Variants in DMXL1 observed in about 807,000 individuals in gnomAD.
DMXL1 encodes the protein dmX-like protein 1.
In DMXL1, 99 loss-of-function variants were observed where a neutral mutation model predicts 319.2. The observed-to-expected ratio is 0.31, with a 90% CI of 0.26 to 0.37. The LOEUF is 0.37. Among genes scored for constraint, DMXL1 ranks in the 10% least tolerant of loss-of-function variants. DMXL1 has a pLI of 1.00. For missense variants in DMXL1, 3,745 were observed against 3,595.6 expected (o/e 1.04, Z -1.06); for synonymous variants, 1,385 against 1,235.2 (o/e 1.12, Z -2.54).
chr5:119,101,058 G>A (rs112086305), intron 2 of DMXL1, among the ~76,000 whole-genome samples: 4,169 of 152,072 alleles, frequency 0.027, 180 homozygotes, highest in African/African-American at 0.095. Context: ...TGGGATTACA[G>A]GCGTGAGCCA....
chr5:119,203,030 T>C (rs979924639), intron 32 of DMXL1, among the ~76,000 whole-genome samples: 1 of 151,542 alleles, frequency 6.6e-6, no homozygotes, highest in African/African-American at 2.4e-5. Context: ...TGAAAACATA[T>C]GAAATTCAAA....
rs148931066 is a variant in DMXL1 at position 119,146,865 on chromosome 5, G to A, written c.2598G>A (p.Lys866=). 1.9e-6 allele frequency: 3 copies of A among 1,611,626 alleles called. No homozygotes were observed. Among genetic ancestry groups the A allele is most frequent in the Middle Eastern group, 1.7e-4 (1 of 6,034 alleles). Reference sequence around the variant, plus strand: ...GCTCACCTAATGGATTTTCTGAGAAGTTCTACCTAATTGTAATAGAATGCA... The same window carrying A: ...GCTCACCTAATGGATTTTCTGAGAAATTCTACCTAATTGTAATAGAATGCA... ...AGSSPNGFSE[K]FYLIVIECTQ... The change falls in exon 16 of 44, where the codon AAG becomes AAA. Residue 866 remains lysine, a synonymous_variant. Transcript: ENST00000539542.
intron 32 of DMXL1, among the ~76,000 whole-genome samples, chr5:119,201,702 G>C (rs1780743355): frequency 6.6e-6 from 1 of 152,050 alleles, no homozygotes; most frequent in African/African-American, 2.4e-5. Flanking sequence ...CTGGTTCTAT[G>C]CCTTTTTTGG....
chr5:119,105,870 C>A (rs1317151710), intron 4 of DMXL1, among the ~76,000 whole-genome samples: 3 of 147,690 alleles, frequency 2.0e-5, no homozygotes, highest in Admixed American at 1.4e-4. Flanking sequence ...GCACTTCAGC[C>A]TGGGCAACAA....
chr5:119,130,862 C>A (rs1440975313), intron 10 of DMXL1, among the ~76,000 whole-genome samples: 1 of 151,992 alleles, frequency 6.6e-6, no homozygotes, highest in Non-Finnish European at 1.5e-5. Context: ...TGGGGAATTT[C>A]CAGGGAGTGT....
intron 38 of DMXL1, among the ~76,000 whole-genome samples, chr5:119,229,740 T>C (rs1274486427): frequency 1.3e-5 from 2 of 152,190 alleles, no homozygotes; most frequent in East Asian, 3.8e-4. Context: ...TTCTTAACTG[T>C]TAGTAATGTT....
intron 1 of DMXL1, among the ~76,000 whole-genome samples, chr5:119,083,457 A>G (rs1580589733): frequency 1.3e-5 from 2 of 152,134 alleles, no homozygotes; most frequent in East Asian, 3.9e-4. Flanking sequence ...ATGGGCACAT[A>G]GATGTCTTTT....
intron 13 of DMXL1, among the ~76,000 whole-genome samples, chr5:119,139,632 C>T (rs943131674): frequency 4.6e-5 from 7 of 152,300 alleles, no homozygotes; most frequent in South Asian, 4.1e-4. Context: ...AAAACAACTT[C>T]TTAGAAACCT....
intron 18 of DMXL1, among the ~76,000 whole-genome samples, chr5:119,151,169 A>T (rs546574281): frequency 6.6e-6 from 1 of 152,232 alleles, no homozygotes; most frequent in Non-Finnish European, 1.5e-5. Flanking sequence ...ATTAGCATTA[A>T]TGTATGCTCC....
At chr5:119,130,427 C>G (rs1018267104) in intron 10 of DMXL1, among the ~76,000 whole-genome samples, 7 of 152,044 alleles carry the variant, frequency 4.6e-5, no homozygotes, top group Non-Finnish European at 1.0e-4. Context: ...ACTGCAGCCT[C>G]CACCTCCCGG....
At chr5:119,111,538 G>A (rs1318967108) in intron 5 of DMXL1, among the ~76,000 whole-genome samples, 1 of 151,946 alleles carries the variant, frequency 6.6e-6, no homozygotes, top group Non-Finnish European at 1.5e-5. Flanking sequence ...ATTGCTGTTC[G>A]ACAAGAAATG....
At chr5:119,210,757 G>GTTTTTTTTTTTTTTTTTTTTTCTTTCTT in intron 34 of DMXL1, among the ~76,000 whole-genome samples, 1 of 89,780 alleles carries the variant, frequency 1.1e-5, no homozygotes, top group Non-Finnish European at 2.1e-5. Context: ...TTTTTCTTTC[G>GTTTTTTTTTTTTTTTTTTTTTCTTTCTT]TTTTTTTTTT....
intron 5 of DMXL1, among the ~76,000 whole-genome samples, chr5:119,111,814 C>A (rs1759666689): frequency 6.6e-6 from 1 of 151,028 alleles, no homozygotes; most frequent in African/African-American, 2.4e-5. Flanking sequence ...CAAGATATAG[C>A]ACATATTAAA....
intron 9 of DMXL1, among the ~76,000 whole-genome samples, chr5:119,121,933 C>CGGACG (rs1762169707): frequency 6.8e-6 from 1 of 147,226 alleles, no homozygotes; most frequent in Admixed American, 6.7e-5. Context: ...ACCTCCCTCC[C>CGGACG]GGACGGGGCG....
At chr5:119,122,967 G>C (rs1580838026) in intron 9 of DMXL1, among the ~76,000 whole-genome samples, 1 of 152,204 alleles carries the variant, frequency 6.6e-6, no homozygotes, top group Non-Finnish European at 1.5e-5. Flanking sequence ...GGGAGGTGGA[G>C]GTTGTAGCGA....
intron 5 of DMXL1, among the ~76,000 whole-genome samples, chr5:119,113,519 G>A (rs1760140856): frequency 6.6e-6 from 1 of 152,222 alleles, no homozygotes; most frequent in Non-Finnish European, 1.5e-5. Flanking sequence ...GGGATTACAG[G>A]CGTGAGCCAC....
intron 1 of DMXL1, among the ~76,000 whole-genome samples, chr5:119,072,551 A>T (rs1749857916): frequency 6.6e-6 from 1 of 152,232 alleles, no homozygotes; most frequent in African/African-American, 2.4e-5. Flanking sequence ...AAAAAATAAA[A>T]GTAAAACTTA....
chr5:119,080,401 G>T (rs1258997856), intron 1 of DMXL1, among the ~76,000 whole-genome samples: 2 of 151,970 alleles, frequency 1.3e-5, no homozygotes, highest in African/African-American at 4.8e-5. Flanking sequence ...CCCCTACCTT[G>T]GTGCACCTTC....
At chr5:119,219,151 A>G (rs1051508711) in intron 35 of DMXL1, among the ~76,000 whole-genome samples, 1 of 152,192 alleles carries the variant, frequency 6.6e-6, no homozygotes, top group Non-Finnish European at 1.5e-5. Flanking sequence ...CACAATTTCC[A>G]GAGAATGACG....
Sources: allele counts gnomAD v4.1 joint callset (sites outside exome capture counted in the v4.1 genomes callset), GRCh38; gene constraint gnomAD v4.1.1; transcripts MANE v1.5; gene names NCBI Gene and HGNC (gene_info 2026-07-23, HGNC 2026-07-21).